The following PCYOX1L variants were observed in gnomAD, a reference collection of about 807,000 sequenced individuals.
PCYOX1L encodes the protein prenylcysteine oxidase 1-like.
PCYOX1L carries 40 observed loss-of-function variants against 44.1 expected under a neutral mutation model. The observed-to-expected ratio is 0.91, with a 90% CI of 0.70 to 1.18. PCYOX1L has a LOEUF of 1.18. Ranked by LOEUF, PCYOX1L falls within the 50% of genes most tolerant of loss-of-function variation. PCYOX1L has a pLI of 0.00. For synonymous variants in PCYOX1L, 266 were observed against 282.8 expected (o/e 0.94, Z 0.60); for missense variants, 605 against 653.3 (o/e 0.93, Z 0.81).
At chr5:149,366,366 A>G (rs1488752123) in intron 4 of PCYOX1L, among the ~76,000 whole-genome samples, 2 of 152,240 alleles carry the variant, frequency 1.3e-5, no homozygotes, top group Non-Finnish European at 2.9e-5. Context: ...CAAGGCTCAG[A>G]TCACAGGTCC....
Position 149,364,046 on chromosome 5 carries a change from C to T in PCYOX1L, c.306C>T (p.His102=), listed in dbSNP as rs1468031963. The T allele has an allele frequency of 1.2e-6, 2 of 1,613,764 alleles. No homozygotes were observed. Among genetic ancestry groups the T allele is most frequent in the African/African-American group, 1.3e-5 (1 of 74,914 alleles). ...TCTTTGTCTCTGCAGGGCTGAGGCA[C>T]CGGCGCGAGGTGGTGGGCAGGAGCG... The part of the protein sequence containing the change: ...QDFVKLLGLR[H]RREVVGRSAI... Residue 102 remains histidine (H), a synonymous_variant, in exon 3 of 6, where the codon CAC becomes CAT. Transcript: ENST00000274569.
At chr5:149,365,654 A>G (rs1758171593) in intron 3 of PCYOX1L, 1 of 469,186 alleles carries the variant, frequency 2.1e-6, no homozygotes, top group Admixed American at 3.5e-5. Context: ...ATGAACTATG[A>G]CCTCAGGCAG....
chr5:149,359,950 A>T (rs770926263), intron 1 of PCYOX1L, among the ~76,000 whole-genome samples: 8 of 152,188 alleles, frequency 5.3e-5, no homozygotes, highest in Non-Finnish European at 8.8e-5. Flanking sequence ...ACCCACCCAT[A>T]TAGTTCCATA....
chr5:149,367,990 C>T lies in PCYOX1L; in HGVS notation c.824-3C>T. 1.3e-6 allele frequency: 2 copies of T among 1,522,364 alleles called. No homozygotes were observed. Among genetic ancestry groups the T allele is most frequent in the Non-Finnish European group, 1.8e-6 (2 of 1,137,428 alleles). The allele number at this position is 1,522,364 out of a possible 1,614,324, so 94.3% of individuals were successfully genotyped here. Reference sequence around the variant, plus strand: ...GTTGACTTTTGTGCTCTTTTCTTTCCAGAGGGGAAAGCCCTGTACCAGGTG... The same window carrying T: ...GTTGACTTTTGTGCTCTTTTCTTTCTAGAGGGGAAAGCCCTGTACCAGGTG... On this transcript the variant is annotated splice_polypyrimidine_tract_variant and splice_region_variant and intron_variant, in intron 5 of 5. Transcript: ENST00000274569.
At chr5:149,358,240 G>A (rs1431786340) in intron 1 of PCYOX1L, 84 bp downstream of exon 1, 1 of 1,289,732 alleles carries the variant, frequency 7.8e-7, no homozygotes, top group South Asian at 2.3e-5. Context: ...TGGGGTATAG[G>A]AGGGCGGCTG....
At chr5:149,362,378 T>A in intron 1 of PCYOX1L, 1 of 507,516 alleles carries the variant, frequency 2.0e-6, no homozygotes, top group South Asian at 2.3e-5. Context: ...CTTTCAGTAT[T>A]CTTTGCTGGT....
rs761423096 is a variant in PCYOX1L at position 149,368,511 on chromosome 5, G to T, written c.1342G>T (p.Ala448Ser). 1.9e-6 allele frequency: 3 copies of T among 1,611,968 alleles called. No individual in the cohort carries two copies. Among genetic ancestry groups the T allele is most frequent in the South Asian group, 2.2e-5 (2 of 90,736 alleles). ...ALHDQLFYLN[A>S]LEWAASSVEV... ...CCATGACCAGCTCTTCTACCTCAAT[G>T]CCCTGGAGTGGGCGGCCAGCTCCGT... Residue 448 changes from alanine to serine, a missense_variant, in exon 6 of 6, where the codon GCC becomes TCC. Coordinates refer to ENST00000274569, the MANE Select transcript of PCYOX1L (RefSeq NM_024028.4).
intron 1 of PCYOX1L, among the ~76,000 whole-genome samples, chr5:149,360,266 G>C (rs188801122): frequency 6.6e-6 from 1 of 152,274 alleles, no homozygotes; most frequent in Admixed American, 6.5e-5. Flanking sequence ...TTAGAGAATT[G>C]GTGTCAGTTG....
chr5:149,360,487 A>G (rs1011148374), intron 1 of PCYOX1L, among the ~76,000 whole-genome samples: 4 of 152,216 alleles, frequency 2.6e-5, no homozygotes, highest in African/African-American at 9.7e-5. Context: ...TTATTCTTTC[A>G]ACACAGAAAA....
At chr5:149,358,616 A>G (rs1757920927) in intron 1 of PCYOX1L, among the ~76,000 whole-genome samples, 1 of 152,152 alleles carries the variant, frequency 6.6e-6, no homozygotes, top group African/African-American at 2.4e-5. Context: ...GTGCATGCAG[A>G]GGAGGGGCGC....
chr5:149,367,416 A>G lies in PCYOX1L; in HGVS notation c.739A>G (p.Lys247Glu), dbSNP rs746028890. The G allele has an allele frequency of 6.2e-7, 1 of 1,613,786 alleles. No individual in the cohort carries two copies. The highest frequency in any genetic ancestry group is 8.5e-7 in the Non-Finnish European group (1 of 1,179,856). The change falls in exon 5 of 6, where the codon AAG (lysine) becomes GAG (glutamate). Residue 247 changes from lysine (K) to glutamate (E), a missense_variant. By Grantham distance (56) the Lys-to-Glu change is moderately conservative (BLOSUM62 1). Coordinates refer to ENST00000274569, the MANE Select transcript of PCYOX1L (RefSeq NM_024028.4). ...GSLWSVEGGN[K>E]LVCSGLLKLT... ...CCTGTGGTCTGTGGAAGGAGGCAATAAGCTGGTTTGTTCCGGTTTGCTGAA... is the reference window on the plus strand; with the variant it reads ...CCTGTGGTCTGTGGAAGGAGGCAATGAGCTGGTTTGTTCCGGTTTGCTGAA...
At position 149,368,142 on chromosome 5, in the gene PCYOX1L, G is replaced by A. The variant is rs375680310; in HGVS notation, c.973G>A (p.Val325Met). 40 of 1,613,312 alleles carry A rather than the reference G, an allele frequency of 2.5e-5. No homozygotes were observed. Among genetic ancestry groups the A allele is most frequent in the Non-Finnish European group, 3.0e-5 (35 of 1,179,642 alleles). Reference sequence around the variant, plus strand: ...AGGCTTCCACCCGCCCATTGATGACGTGCAGGGCTCTTTCCAGCCCACCGT... The same window carrying A: ...AGGCTTCCACCCGCCCATTGATGACATGCAGGGCTCTTTCCAGCCCACCGT... ...FAGFHPPIDD[V>M]QGSFQPTVVS... The change falls in exon 6 of 6, where the codon GTG becomes ATG. Residue 325 changes from valine (V) to methionine (M), a missense_variant. Transcript: ENST00000274569.
chr5:149,363,391 C>A (rs115187975), intron 2 of PCYOX1L: 2 of 281,750 alleles, frequency 7.1e-6, no homozygotes, highest in African/African-American at 2.2e-5. Flanking sequence ...AGCATAGATA[C>A]CAAGTTATTC....
chr5:149,358,583 C>A (rs1464546976), intron 1 of PCYOX1L, among the ~76,000 whole-genome samples: 3 of 152,120 alleles, frequency 2.0e-5, no homozygotes, highest in Admixed American at 6.5e-5. Flanking sequence ...ACAGGGAAGT[C>A]CGTGCTGAGC....
intron 2 of PCYOX1L, chr5:149,363,666 G>A (rs1453025207): frequency 3.9e-6 from 1 of 258,462 alleles, no homozygotes; most frequent in Non-Finnish European, 7.6e-6. Context: ...GCTCTGTCAA[G>A]TTGCAGAGTG....
intron 5 of PCYOX1L, 135 bp from the exon 6 acceptor site, chr5:149,367,858 C>A: frequency 1.1e-6 from 1 of 950,576 alleles, no homozygotes; most frequent in Non-Finnish European, 1.6e-6. Context: ...ATGGAGAGGC[C>A]AGGACCCACC....
chr5:149,363,814 C>T (rs562300158), intron 2 of PCYOX1L: 2 of 564,078 alleles, frequency 3.5e-6, no homozygotes, highest in South Asian at 2.5e-5. Flanking sequence ...GTGGATCCTC[C>T]TGGGGAAAAA....
Position 149,368,512 on chromosome 5 carries a change from C to A in PCYOX1L, c.1343C>A (p.Ala448Asp). Reference protein sequence around the residue: ...ALHDQLFYLNALEWAASSVEV... With the variant: ...ALHDQLFYLNDLEWAASSVEV... ...CATGACCAGCTCTTCTACCTCAATG[C>A]CCTGGAGTGGGCGGCCAGCTCCGTG... Residue 448 changes from alanine (A) to aspartate (D), a missense_variant, in exon 6 of 6, where the codon GCC (alanine) becomes GAC (aspartate). Transcript: ENST00000274569. 6.2e-7 allele frequency: 1 copy of A among 1,611,816 alleles called. No individual in the cohort carries two copies. Among genetic ancestry groups the A allele is most frequent in the Non-Finnish European group, 8.5e-7 (1 of 1,178,808 alleles).
intron 4 of PCYOX1L, among the ~76,000 whole-genome samples, chr5:149,366,562 A>G (rs951196059): frequency 6.6e-6 from 1 of 152,184 alleles, no homozygotes; most frequent in Admixed American, 6.5e-5. Context: ...TGTGTAGCTC[A>G]CTGTCTGCTA....
Sources: allele counts gnomAD v4.1 joint callset (sites outside exome capture counted in the v4.1 genomes callset), GRCh38; gene constraint gnomAD v4.1.1; transcripts MANE v1.5; gene names NCBI Gene and HGNC (gene_info 2026-07-23, HGNC 2026-07-21).